Variants in TMPRSS11D observed in about 807,000 individuals in gnomAD.
TMPRSS11D encodes transmembrane protease serine 11D.
Under a neutral mutation model 44.4 loss-of-function variants are expected in TMPRSS11D, and 32 were observed. The observed-to-expected ratio is 0.72, with a 90% CI of 0.54 to 0.97. The LOEUF is 0.97. Among genes scored for constraint, TMPRSS11D ranks in the 50% least tolerant of loss-of-function variants. The pLI, the probability that TMPRSS11D is intolerant of heterozygous loss-of-function variation, is 0.00. For synonymous variants in TMPRSS11D, 179 were observed against 177.9 expected, an observed-to-expected ratio of 1.01 and a Z score of -0.05; for missense variants, 446 against 502.6, an observed-to-expected ratio of 0.89 and a Z score of 1.08.
intron 3 of TMPRSS11D, 152 bp downstream of exon 3, chr4:67,853,916 C>T (rs1718568265): frequency 2.1e-6 from 1 of 482,766 alleles, no homozygotes; most frequent in Admixed American, 3.7e-5. Context: ...AGTAAACTAA[C>T]TGGATAAAAG....
At chr4:67,848,206 T>G (rs1025108250) in intron 3 of TMPRSS11D, among the ~76,000 whole-genome samples, 1 of 152,260 alleles carries the variant, frequency 6.6e-6, no homozygotes, top group East Asian at 1.9e-4. Context: ...ATGTCACTCC[T>G]GATGGCAAAG....
intron 9 of TMPRSS11D, among the ~76,000 whole-genome samples, chr4:67,823,380 T>C (rs1485406081): frequency 6.6e-6 from 1 of 152,130 alleles, no homozygotes; most frequent in African/African-American, 2.4e-5. Context: ...GAGTATGTCT[T>C]ATGTTCTGCA....
At chr4:67,880,570 G>T (rs1253693572) in intron 1 of TMPRSS11D, among the ~76,000 whole-genome samples, 1 of 152,058 alleles carries the variant, frequency 6.6e-6, no homozygotes, top group East Asian at 1.9e-4. Flanking sequence ...AAGTAAACTT[G>T]TCAGAATAAA....
intron 1 of TMPRSS11D, among the ~76,000 whole-genome samples, chr4:67,871,369 G>A (rs1173736803): frequency 6.6e-6 from 1 of 152,130 alleles, no homozygotes; most frequent in Non-Finnish European, 1.5e-5. Context: ...TTAAACTGAA[G>A]GAGATGGTAT....
At position 67,822,304 on chromosome 4, in the gene TMPRSS11D, T is replaced by C. The variant is rs373577101; in HGVS notation, c.*33A>G. The C allele has an allele frequency of 6.2e-7, 1 of 1,609,880 alleles. No homozygotes were observed. The highest frequency in any genetic ancestry group is 1.1e-5 in the South Asian group (1 of 90,832). Reference sequence around the variant, plus strand: ...GGAATTTAAGACAGGCACACCTGCATACAGACTTTGCAACAGGGATGCACT... The same window carrying C: ...GGAATTTAAGACAGGCACACCTGCACACAGACTTTGCAACAGGGATGCACT... On this transcript the variant is annotated 3_prime_UTR_variant, in exon 10 of 10. Transcript: ENST00000283916.
At chr4:67,846,886 A>G (rs1457230050) in intron 3 of TMPRSS11D, among the ~76,000 whole-genome samples, 1 of 144,980 alleles carries the variant, frequency 6.9e-6, no homozygotes, top group Admixed American at 7.4e-5. Context: ...TTCTCTCTAT[A>G]GCATGAATTT....
chr4:67,849,784 A>G (rs1003686467), intron 3 of TMPRSS11D, among the ~76,000 whole-genome samples: 7 of 152,190 alleles, frequency 4.6e-5, no homozygotes, highest in African/African-American at 1.7e-4. Flanking sequence ...AGAGATAACA[A>G]TAATACTCAT....
intron 9 of TMPRSS11D, among the ~76,000 whole-genome samples, chr4:67,823,065 A>T (rs567648772): frequency 1.3e-5 from 2 of 152,292 alleles, no homozygotes; most frequent in South Asian, 2.1e-4. Flanking sequence ...TCCCAGATAT[A>T]CTATAAGGTC....
At chr4:67,835,177 C>G (rs1718046309) in intron 5 of TMPRSS11D, 56 bp from the exon 6 acceptor site, 1 of 1,496,266 alleles carries the variant, frequency 6.7e-7, no homozygotes, top group Non-Finnish European at 9.3e-7. Flanking sequence ...ATCATTTCAC[C>G]ATAATTTCTT....
At chr4:67,841,633 G>A (rs1718233305) in intron 4 of TMPRSS11D, among the ~76,000 whole-genome samples, 1 of 152,164 alleles carries the variant, frequency 6.6e-6, no homozygotes, top group South Asian at 2.1e-4. Flanking sequence ...TAGTCCTACA[G>A]GTTTTCAGGG....
At position 67,827,249 on chromosome 4, in the gene TMPRSS11D, C is replaced by G. The variant is rs377130720; in HGVS notation, c.952+12G>C. On this transcript the variant is annotated intron_variant, in intron 8 of 9. Coordinates refer to ENST00000283916, the MANE Select transcript of TMPRSS11D (RefSeq NM_004262.3). ...CATTTCTATTGTTAATTTTTTTTTC[C>G]GAGACACTTACCAGCATATTCTTGA... The G allele has an allele frequency of 6.4e-7, 1 of 1,562,588 alleles. No homozygotes were observed. Among genetic ancestry groups the G allele is most frequent in the Non-Finnish European group, 8.6e-7 (1 of 1,159,920 alleles).
chr4:67,825,717 T>C lies in TMPRSS11D; in HGVS notation c.1095+15A>G. 1.2e-6 allele frequency: 2 copies of C among 1,611,624 alleles called. No homozygotes were observed. The highest frequency in any genetic ancestry group is 1.7e-6 in the Non-Finnish European group (2 of 1,178,720). The stretch of plus-strand genomic sequence containing the variant: ...TTCTTGGATGATGACATGGATGAGA[T>C]TGTCTTGAGCTTACCTGACATGCGT... On this transcript the variant is annotated intron_variant, in intron 9 of 9. Coordinates refer to ENST00000283916, the MANE Select transcript of TMPRSS11D (RefSeq NM_004262.3).
chr4:67,825,085 C>A (rs1276029488), intron 9 of TMPRSS11D, among the ~76,000 whole-genome samples: 1 of 151,804 alleles, frequency 6.6e-6, no homozygotes, highest in Admixed American at 6.6e-5. Context: ...ATAGTTATTT[C>A]TTTTCTTTTT....
chr4:67,832,263 T>C (rs767126691), intron 7 of TMPRSS11D, among the ~76,000 whole-genome samples: 33 of 152,072 alleles, frequency 2.2e-4, no homozygotes, highest in Non-Finnish European at 3.8e-4. Flanking sequence ...AGAAGAAAAT[T>C]GATATGGTCA....
At chr4:67,840,610 A>G (rs1718208549) in intron 4 of TMPRSS11D, among the ~76,000 whole-genome samples, 1 of 152,210 alleles carries the variant, frequency 6.6e-6, no homozygotes, top group Non-Finnish European at 1.5e-5. Flanking sequence ...TGATAGCACA[A>G]CAGAGTCACT....
intron 3 of TMPRSS11D, among the ~76,000 whole-genome samples, chr4:67,851,835 C>T (rs560606153): frequency 1.2e-3 from 189 of 152,328 alleles, no homozygotes; most frequent in African/African-American, 4.3e-3. Flanking sequence ...TTGCCAAGTT[C>T]TGTGGATCCT....
intron 1 of TMPRSS11D, among the ~76,000 whole-genome samples, chr4:67,876,828 C>A (rs1018727375): frequency 6.6e-6 from 1 of 152,196 alleles, no homozygotes; most frequent in African/African-American, 2.4e-5. Flanking sequence ...GCACTTAGGA[C>A]ATTTTTTTAA....
intron 1 of TMPRSS11D, among the ~76,000 whole-genome samples, chr4:67,869,903 T>C (rs1446167771): frequency 1.3e-5 from 2 of 152,186 alleles, no homozygotes; most frequent in African/African-American, 4.8e-5. Flanking sequence ...AGATATAGGC[T>C]CAGCCCTTAT....
chr4:67,853,969 G>T, intron 3 of TMPRSS11D, 99 bp downstream of exon 3: 1 of 693,866 alleles, frequency 1.4e-6, no homozygotes. Context: ...AGGAAAATAT[G>T]TAGAGCACTT....
Sources: allele counts gnomAD v4.1 joint callset (sites outside exome capture counted in the v4.1 genomes callset), GRCh38; gene constraint gnomAD v4.1.1; transcripts MANE v1.5; gene names NCBI Gene and HGNC (gene_info 2026-07-23, HGNC 2026-07-21).